FBXL2: variants seen among roughly 807,000 people sequenced by gnomAD.
FBXL2 encodes the protein F-box/LRR-repeat protein 2.
Under a neutral mutation model 69.2 loss-of-function variants are expected in FBXL2, and 38 were observed. The observed-to-expected ratio is 0.55, with a 90% CI of 0.42 to 0.72. The LOEUF (loss-of-function observed/expected upper bound fraction) is 0.72. Ranked by LOEUF, FBXL2 falls within the 30% of genes least tolerant of loss-of-function variation. The pLI, the probability that FBXL2 is intolerant of heterozygous loss-of-function variation, is 0.00. For missense variants in FBXL2, 354 were observed against 520.3 expected (o/e 0.68, Z 3.11); for synonymous variants, 192 against 201.3 (o/e 0.95, Z 0.39).
At chr3:33,283,510 T>C (rs1479949118) in intron 1 of FBXL2, among the ~76,000 whole-genome samples, 2 of 152,138 alleles carry the variant, frequency 1.3e-5, no homozygotes, top group African/African-American at 2.4e-5. Context: ...TAAAATTCTC[T>C]TTTTTTGTTG....
downstream of FBXL2, among the ~76,000 whole-genome samples, chr3:33,406,297 C>G (rs978888863): frequency 6.6e-6 from 1 of 152,136 alleles, no homozygotes; most frequent in Non-Finnish European, 1.5e-5. Flanking sequence ...TTCCACCTTA[C>G]AAAGTATCAC....
intron 2 of FBXL2, among the ~76,000 whole-genome samples, chr3:33,314,983 G>C (rs1374456126): frequency 6.6e-6 from 1 of 152,148 alleles, no homozygotes; most frequent in Admixed American, 6.5e-5. Flanking sequence ...CATGAAAAAA[G>C]TGGCTAGTTT....
chr3:33,414,938 T>C, the FBXL2 span, among the ~76,000 whole-genome samples: 1 of 151,590 alleles, frequency 6.6e-6, no homozygotes, highest in Non-Finnish European at 1.5e-5. Context: ...ATTTATAAGT[T>C]AATGGTTTTG....
In FBXL2 at chr3:33,385,710, T is replaced by C. The variant is rs924613031; in HGVS notation, c.*102T>C. On this transcript the variant is annotated 3_prime_UTR_variant, in exon 15 of 15. Coordinates refer to ENST00000484457, the MANE Select transcript of FBXL2 (RefSeq NM_012157.5). Reference sequence around the variant, plus strand: ...CATCACCCAATCTGTTGATTCTCCATTGGGAAAGGCATTTACAGGTAAAAG... The same window carrying C: ...CATCACCCAATCTGTTGATTCTCCACTGGGAAAGGCATTTACAGGTAAAAG... 27 of 922,426 alleles carry C rather than the reference T, an allele frequency of 2.9e-5. No individual in the cohort carries two copies. Among genetic ancestry groups the C allele is most frequent in the African/African-American group, 1.2e-4 (7 of 60,482 alleles). 57.1% of individuals were successfully genotyped at this position (922,426 alleles called of 1,614,324 possible).
chr3:33,357,615 C>T (rs1467563104), intron 2 of FBXL2, among the ~76,000 whole-genome samples: 3 of 151,012 alleles, frequency 2.0e-5, no homozygotes, highest in South Asian at 4.2e-4. Context: ...CTGCAGGCTC[C>T]GCCTCCCGGG....
intron 1 of FBXL2, among the ~76,000 whole-genome samples, chr3:33,293,101 C>T (rs2035405828): frequency 6.6e-6 from 1 of 152,178 alleles, no homozygotes; most frequent in Non-Finnish European, 1.5e-5. Context: ...AGCAGTCCTC[C>T]CACCTTGGCC....
At chr3:33,291,505 TA>T (rs2035221242) in intron 1 of FBXL2, among the ~76,000 whole-genome samples, 1 of 152,206 alleles carries the variant, frequency 6.6e-6, no homozygotes, top group African/African-American at 2.4e-5. Flanking sequence ...TACATACATT[TA>T]TTTTAAAAAT....
intron 2 of FBXL2, among the ~76,000 whole-genome samples, chr3:33,305,184 A>G (rs1321631266): frequency 6.6e-6 from 1 of 151,682 alleles, no homozygotes; most frequent in Admixed American, 6.6e-5. Context: ...TTCTTAAGGA[A>G]CTTCCTCCTT....
chr3:33,299,267 C>G (rs1337885601), intron 2 of FBXL2, among the ~76,000 whole-genome samples: 1 of 152,122 alleles, frequency 6.6e-6, no homozygotes. Flanking sequence ...ATCTCGAACT[C>G]CTGATCTCAG....
intron 2 of FBXL2, among the ~76,000 whole-genome samples, chr3:33,310,818 A>G (rs556885623): frequency 1.4e-4 from 22 of 152,064 alleles, no homozygotes; most frequent in Non-Finnish European, 2.6e-4. Flanking sequence ...TCTGTTGCCC[A>G]GGCTGGAGTG....
chr3:33,374,318 A>G (rs1045638706), intron 9 of FBXL2, among the ~76,000 whole-genome samples: 7 of 152,210 alleles, frequency 4.6e-5, no homozygotes, highest in African/African-American at 1.7e-4. Context: ...AAATGAAATA[A>G]CACATGCAAA....
intron 2 of FBXL2, among the ~76,000 whole-genome samples, chr3:33,336,678 G>T (rs1465151834): frequency 6.6e-5 from 10 of 152,158 alleles, no homozygotes; most frequent in Admixed American, 6.5e-4. Flanking sequence ...AGACCGAGGT[G>T]GGTGGATCAC....
At chr3:33,319,558 G>A (rs981795544) in intron 2 of FBXL2, among the ~76,000 whole-genome samples, 5 of 152,146 alleles carry the variant, frequency 3.3e-5, no homozygotes, top group Admixed American at 3.3e-4. Flanking sequence ...TCACAATCAT[G>A]AAAACTGTAT....
At chr3:33,397,069 C>T in intron 12 of FBXL2, 2 of 1,601,780 alleles carry the variant, frequency 1.2e-6, no homozygotes, top group East Asian at 2.2e-5. Context: ...ATTATAGAGC[C>T]GAATTCCATC....
chr3:33,319,085 C>A (rs1031164243), intron 2 of FBXL2, among the ~76,000 whole-genome samples: 1 of 152,152 alleles, frequency 6.6e-6, no homozygotes, highest in Non-Finnish European at 1.5e-5. Flanking sequence ...TGTTTTAAGA[C>A]GTCACAGTCC....
the FBXL2 span, chr3:33,416,786 A>G: frequency 1.2e-6 from 2 of 1,613,662 alleles, no homozygotes; most frequent in East Asian, 2.2e-5. Flanking sequence ...GATCTCAGGC[A>G]TATCACCCAT....
rs1559601228 is a variant in FBXL2 at position 33,359,332 on chromosome 3, T to C, written c.170T>C (p.Leu57Pro). Residue 57 changes from leucine (L) to proline (P), a missense_variant, in exon 4 of 15, where the codon CTT becomes CCT. Transcript: ENST00000484457. The stretch of plus-strand genomic sequence containing the variant: ...GGAAGCAACTGGCAAAGAATAGATC[T>C]TTTTAACTTTCAAACAGATGTAGAG... The part of the protein sequence containing the change: ...LDGSNWQRID[L>P]FNFQTDVEGR... 4.3e-6 allele frequency: 7 copies of C among 1,611,756 alleles called. No individual in the cohort carries two copies. Among genetic ancestry groups the C allele is most frequent in the Non-Finnish European group, 5.9e-6 (7 of 1,178,422 alleles).
intron 2 of FBXL2, among the ~76,000 whole-genome samples, chr3:33,337,266 A>G (rs183311473): frequency 1.4e-3 from 215 of 152,220 alleles, no homozygotes; most frequent in African/African-American, 5.0e-3. Context: ...AAGACATCCT[A>G]TCCAACAAAG....
chr3:33,346,958 C>A (rs1415378095), intron 2 of FBXL2, among the ~76,000 whole-genome samples: 10 of 152,238 alleles, frequency 6.6e-5, no homozygotes, highest in Admixed American at 2.0e-4. Flanking sequence ...AAGCATTTAT[C>A]CTTTGTGTTA....
Sources: gnomAD v4.1 joint callset for allele counts (sites outside exome capture counted in the v4.1 genomes callset) on GRCh38, gnomAD v4.1.1 for gene constraint, MANE v1.5 for transcripts, NCBI Gene and HGNC (gene_info 2026-07-23, HGNC 2026-07-21) for gene names.